RBMS1: variants seen among roughly 807,000 people sequenced by gnomAD.
RBMS1 encodes RNA-binding motif, single-stranded-interacting protein 1.
RBMS1 carries 17 observed loss-of-function variants against 62.3 expected under a neutral mutation model. The ratio of observed to expected loss-of-function variants is 0.27; its 90% CI spans 0.19 to 0.41. The LOEUF is 0.41. RBMS1 is among the 10% of genes least tolerant of loss of function. The pLI, the probability that RBMS1 is intolerant of heterozygous loss-of-function variation, is 1.00. For missense variants in RBMS1, 334 were observed against 504.5 expected (o/e 0.66, Z 3.24); for synonymous variants, 172 against 170.0 (o/e 1.01, Z -0.09).
chr2:160,412,682 C>G (rs144252402), intron 1 of RBMS1, among the ~76,000 whole-genome samples: 73 of 152,264 alleles, frequency 4.8e-4, no homozygotes, highest in Middle Eastern at 3.4e-3. Context: ...CTATGGGAGT[C>G]CACAGCAGGG....
chr2:160,391,303 T>C (rs781086146), intron 1 of RBMS1, among the ~76,000 whole-genome samples: 33 of 151,404 alleles, frequency 2.2e-4, no homozygotes, highest in Admixed American at 5.3e-4. Flanking sequence ...ACGAGTTATG[T>C]TGCCACAAGT....
chr2:160,487,633 A>T (rs1010582008), intron 1 of RBMS1, among the ~76,000 whole-genome samples: 1 of 152,236 alleles, frequency 6.6e-6, no homozygotes, highest in Non-Finnish European at 1.5e-5. Context: ...GAATGTAGGA[A>T]ATCACCCACC....
intron 13 of RBMS1, 136 bp downstream of exon 13, chr2:160,275,494 A>G: frequency 7.2e-7 from 1 of 1,379,516 alleles, no homozygotes; most frequent in Non-Finnish European, 9.6e-7. Flanking sequence ...TATTTCAACA[A>G]GACTAGATGC....
intron 1 of RBMS1, among the ~76,000 whole-genome samples, chr2:160,463,986 A>G (rs1050754706): frequency 6.6e-6 from 1 of 152,226 alleles, no homozygotes; most frequent in Non-Finnish European, 1.5e-5. Flanking sequence ...GAACTTAAAA[A>G]AACACACATA....
intron 2 of RBMS1, among the ~76,000 whole-genome samples, chr2:160,325,064 T>C (rs1690847367): frequency 6.6e-6 from 1 of 151,860 alleles, no homozygotes; most frequent in African/African-American, 2.4e-5. Flanking sequence ...CACAACTAAG[T>C]AGCAAAGATG....
intron 2 of RBMS1, among the ~76,000 whole-genome samples, chr2:160,354,420 A>C (rs1692683731): frequency 6.6e-6 from 1 of 152,100 alleles, no homozygotes; most frequent in African/African-American, 2.4e-5. Context: ...TAAGCATTGG[A>C]GCAAAAGCTA....
intron 1 of RBMS1, among the ~76,000 whole-genome samples, chr2:160,418,811 C>T (rs1696304270): frequency 6.6e-6 from 1 of 152,108 alleles, no homozygotes; most frequent in Admixed American, 6.6e-5. Context: ...TATAATTGAT[C>T]TCACCTTGAA....
chr2:160,455,687 T>TG (rs948590376), intron 1 of RBMS1, among the ~76,000 whole-genome samples: 7 of 149,962 alleles, frequency 4.7e-5, no homozygotes, highest in Non-Finnish European at 1.0e-4. Flanking sequence ...CCCAAGCTTT[T>TG]TTTTTTTTTT....
intron 6 of RBMS1, 108 bp from the exon 7 acceptor site, chr2:160,287,192 C>A: frequency 1.4e-6 from 2 of 1,457,560 alleles, no homozygotes; most frequent in Non-Finnish European, 1.9e-6. Flanking sequence ...AAAATTCATA[C>A]AACACTTTAA....
chr2:160,363,551 T>A (rs1176356648), intron 2 of RBMS1, among the ~76,000 whole-genome samples: 1 of 151,796 alleles, frequency 6.6e-6, no homozygotes, highest in Non-Finnish European at 1.5e-5. Flanking sequence ...CCGGTTCTTC[T>A]GGTAGGGAGA....
Position 160,275,024 on chromosome 2 carries a change from A to G in RBMS1, c.*8-260T>C, listed in dbSNP as rs188577115. On this transcript the variant is annotated intron_variant, in intron 13 of 13. Transcript: ENST00000348849. ...TCTAAAGAGTGACTTTATGAAATCA[A>G]AAATACATGTTATCACCAGGGCAAT... Among the ~76,000 whole-genome samples the G allele has an allele frequency of 7.2e-5, 11 of 152,324 alleles. No individual in the cohort carries two copies. The East Asian group carries it at 2.1e-3, about 29-fold the overall frequency.
chr2:160,488,621 C>A (rs767310651), intron 1 of RBMS1, among the ~76,000 whole-genome samples: 1 of 152,098 alleles, frequency 6.6e-6, no homozygotes, highest in African/African-American at 2.4e-5. Flanking sequence ...CATTTAAATT[C>A]ATCCCACATA....
intron 1 of RBMS1, among the ~76,000 whole-genome samples, chr2:160,438,703 C>T (rs1233733018): frequency 6.6e-6 from 1 of 152,230 alleles, no homozygotes; most frequent in Non-Finnish European, 1.5e-5. Flanking sequence ...CAGTCTTTTC[C>T]CCACCTTTCC....
At chr2:160,485,298 C>G (rs1381206373) in intron 1 of RBMS1, among the ~76,000 whole-genome samples, 2 of 152,136 alleles carry the variant, frequency 1.3e-5, no homozygotes, top group Admixed American at 6.5e-5. Flanking sequence ...CCCTCCCCTG[C>G]CATAAAAGGG....
At chr2:160,402,791 A>G (rs1009224455) in intron 1 of RBMS1, among the ~76,000 whole-genome samples, 4 of 152,178 alleles carry the variant, frequency 2.6e-5, no homozygotes, top group African/African-American at 7.2e-5. Context: ...TTAAGATGTC[A>G]CTGCCTCAAA....
intron 2 of RBMS1, among the ~76,000 whole-genome samples, chr2:160,326,630 G>A (rs190534923): frequency 1.3e-5 from 2 of 152,288 alleles, no homozygotes; most frequent in South Asian, 2.1e-4. Flanking sequence ...AATTATTTTA[G>A]TAAGATTAAC....
At chr2:160,282,479 C>G (rs1019061788) in intron 9 of RBMS1, 1 of 403,666 alleles carries the variant, frequency 2.5e-6, no homozygotes, top group African/African-American at 2.1e-5. Context: ...GTGCAGGGCC[C>G]TCACTGGATA....
At position 160,361,248 on chromosome 2, in the gene RBMS1, C is replaced by T. The variant is rs563790632; in HGVS notation, c.251+5968G>A. 6.4e-4 allele frequency among the ~76,000 whole-genome samples: 98 copies of T among 152,302 alleles called. 1 individual carries two copies. The highest frequency in any genetic ancestry group is 2.3e-3 in the African/African-American group (96 of 41,564). ...TAGAACTCTGCATATGATGTCAATA[C>T]CACAGCAACCTTTAAGATACCCGGC... On this transcript the variant is annotated intron_variant, in intron 2 of 13. Coordinates refer to ENST00000348849, the MANE Select transcript of RBMS1 (RefSeq NM_016836.4).
intron 1 of RBMS1, among the ~76,000 whole-genome samples, chr2:160,393,811 A>G (rs1038351399): frequency 6.6e-6 from 1 of 151,824 alleles, no homozygotes; most frequent in Non-Finnish European, 1.5e-5. Flanking sequence ...AAGAAAAAGA[A>G]AAAAAAAGAA....
Sources: allele counts gnomAD v4.1 joint callset (sites outside exome capture counted in the v4.1 genomes callset), GRCh38; gene constraint gnomAD v4.1.1; transcripts MANE v1.5; gene names NCBI Gene and HGNC (gene_info 2026-07-23, HGNC 2026-07-21).